Variants in PLCG1 observed in about 807,000 individuals in gnomAD.
PLCG1 encodes 1-phosphatidylinositol 4,5-bisphosphate phosphodiesterase gamma-1.
PLCG1 carries 71 observed loss-of-function variants against 177.8 expected under a neutral mutation model. The observed-to-expected ratio is 0.40, with a 90% CI of 0.33 to 0.49. The LOEUF (loss-of-function observed/expected upper bound fraction) is 0.49, where lower values mean the gene tolerates loss of function less well. Ranked by LOEUF, PLCG1 falls within the 20% of genes least tolerant of loss-of-function variation. The pLI, the probability that PLCG1 is intolerant of heterozygous loss-of-function variation, is 0.72. For missense variants in PLCG1, 1,281 were observed against 1,709.0 expected (o/e 0.75, Z 4.42); for synonymous variants, 658 against 647.9 (o/e 1.02, Z -0.24).
Position 41,174,072 on chromosome 20 carries a change from C to G in PLCG1, c.3646-52C>G. ...TGGGAGGAGAGCCAGGCAGCAGCCT[C>G]TAGAAGTGCAGAGGAGTCATTGACC... On this transcript the variant is annotated intron_variant, in intron 30 of 31. Transcript: ENST00000685551. This position sits in a 1 kb window ranked among gnomAD's most constrained non-coding sequence, Gnocchi z 5.8. The G allele has an allele frequency of 6.2e-7, 1 of 1,609,340 alleles. No individual in the cohort carries two copies. The highest frequency in any genetic ancestry group is 8.5e-7 in the Non-Finnish European group (1 of 1,175,946).
chr20:41,165,082 A>AGAG lies in PLCG1; in HGVS notation c.1370_1372dup (p.Arg457dup). On this transcript the variant is annotated inframe_insertion, in exon 13 of 32. Coordinates refer to ENST00000685551, the MANE Select transcript of PLCG1 (RefSeq NM_002660.3). This position sits in a 1 kb window ranked among gnomAD's most constrained non-coding sequence, Gnocchi z 6.6. ...GGGCTCCCCTCACCCAACCAGCTTA[A>AGAG]GAGGAAGATCCTCATCAAGGTGGGG... is the stretch of plus-strand genomic sequence containing the variant. 6.2e-7 allele frequency: 1 copy of AGAG among 1,613,066 alleles called. No homozygotes were observed. Among genetic ancestry groups the AGAG allele is most frequent in the South Asian group, 1.1e-5 (1 of 90,904 alleles).
intron 4 of PLCG1, among the ~76,000 whole-genome samples, chr20:41,161,540 C>G (rs1210976732): frequency 6.6e-6 from 1 of 152,156 alleles, no homozygotes; most frequent in Non-Finnish European, 1.5e-5. Context: ...CACTGGAAAA[C>G]AAGGACCCTG....
Position 41,173,338 on chromosome 20 carries a change from A to G in PLCG1, c.3280-82A>G, listed in dbSNP as rs2035961820. The stretch of plus-strand genomic sequence containing the variant: ...GCAGAGGGCGCGCTGCCTCCACTCC[A>G]CAGATGCTGACTGAGCCTCCGCAGT... On this transcript the variant is annotated intron_variant, in intron 27 of 31. Transcript: ENST00000685551. This position sits in a 1 kb window ranked among gnomAD's most constrained non-coding sequence, Gnocchi z 6.2. The G allele has an allele frequency of 2.1e-6, 3 of 1,419,792 alleles. No homozygotes were observed. The East Asian group carries it at 7.5e-5, about 35-fold the overall frequency. 87.9% of individuals were successfully genotyped at this position (1,419,792 alleles called of 1,614,324 possible).
At position 41,160,946 on chromosome 20, in the gene PLCG1, A is replaced by C. The variant is rs755715213; in HGVS notation, c.512+793A>C. Among the ~76,000 whole-genome samples the C allele has an allele frequency of 5.3e-5, 8 of 152,098 alleles. No individual in the cohort carries two copies. Among genetic ancestry groups the C allele is most frequent in the Non-Finnish European group, 1.2e-4 (8 of 68,022 alleles). On this transcript the variant is annotated intron_variant, in intron 4 of 31. Coordinates refer to ENST00000685551, the MANE Select transcript of PLCG1 (RefSeq NM_002660.3). The surrounding 1 kb of genome is among the most constrained non-coding windows in gnomAD (Gnocchi z 5.5). ...CTTGGGTTCAGTTCGAGGCATGTTA[A>C]GTTTTCTGATGCCTATTAGCTGTCC...
rs1465880745 is a variant in PLCG1, at chr20:41,137,549, C to G, written c.-93C>G. 3.0e-6 allele frequency: 2 copies of G among 666,946 alleles called. No individual in the cohort carries two copies. Among genetic ancestry groups the G allele is most frequent in the Non-Finnish European group, 4.2e-6 (2 of 480,548 alleles). The allele number at this position is 666,946 out of a possible 1,614,324, so 41.3% of individuals were successfully genotyped here. Reference sequence around the variant, plus strand: ...CCGCCGCCGGGTCCCGCTCGTCTGCCGCCTCAGCCTCAGCCCCAACCTCAG... The same window carrying G: ...CCGCCGCCGGGTCCCGCTCGTCTGCGGCCTCAGCCTCAGCCCCAACCTCAG... On this transcript the variant is annotated 5_prime_UTR_variant, in exon 1 of 32. Coordinates refer to ENST00000685551, the MANE Select transcript of PLCG1 (RefSeq NM_002660.3). The surrounding 1 kb of genome is among the most constrained non-coding windows in gnomAD (Gnocchi z 7.3).
At position 41,176,087 on chromosome 20, in the gene PLCG1, C is replaced by T. The variant is rs1291968921; in HGVS notation, c.*1578C>T. The T allele has an allele frequency of 3.9e-5, 6 of 152,136 alleles. No homozygotes were observed. Among genetic ancestry groups the T allele is most frequent in the Admixed American group, 1.3e-4 (2 of 15,288 alleles). The allele number at this position is 152,136 out of a possible 1,614,324, so 9.4% of individuals were successfully genotyped here. On this transcript the variant is annotated 3_prime_UTR_variant, in exon 32 of 32. Coordinates refer to ENST00000685551, the MANE Select transcript of PLCG1 (RefSeq NM_002660.3). ...CACTGCCAGGTGCCATTCTGATTGC[C>T]TCTAGGACTTGGCAGCTGAAATCTC...
At chr20:41,138,495 T>TC (rs1466725808) in intron 1 of PLCG1, among the ~76,000 whole-genome samples, 1 of 149,854 alleles carries the variant, frequency 6.7e-6, no homozygotes, top group East Asian at 2.0e-4. Flanking sequence ...TTTTTTTTTT[T>TC]CTGCTACTTT....
At position 41,167,761 on chromosome 20, in the gene PLCG1, G is replaced by T. The variant is rs1166031393; in HGVS notation, c.2302-91G>T. ...GGATCAGGTGCAAGTTTGCTGCACT[G>T]GGGGAAAGGGAAGCTGCTCCAGAAA... On this transcript the variant is annotated intron_variant, in intron 19 of 31. Transcript: ENST00000685551. This position sits in a 1 kb window ranked among gnomAD's most constrained non-coding sequence, Gnocchi z 4.4. 2.2e-6 allele frequency: 2 copies of T among 907,344 alleles called. No individual in the cohort carries two copies. The highest frequency in any genetic ancestry group is 2.5e-5 in the East Asian group (1 of 40,236). The allele number at this position is 907,344 out of a possible 1,614,324, so 56.2% of individuals were successfully genotyped here. A position where few individuals can be genotyped will look rare whatever the true frequency, so the allele number is the denominator to read the frequency against.
chr20:41,170,098 T>G lies in PLCG1; in HGVS notation c.2651-14T>G. ...ATGTCTATTCCCAGCTGTTATCTGC[T>G]CTCGCCCTCCCAGCCATCCGTCCTG... On this transcript the variant is annotated splice_polypyrimidine_tract_variant and intron_variant, in intron 23 of 31. Coordinates refer to ENST00000685551, the MANE Select transcript of PLCG1 (RefSeq NM_002660.3). 1 of 1,601,336 alleles carries G rather than the reference T, an allele frequency of 6.2e-7. No individual in the cohort carries two copies. Among genetic ancestry groups the G allele is most frequent in the Non-Finnish European group, 8.5e-7 (1 of 1,172,468 alleles).
rs1411305174 is a variant in PLCG1 at position 41,173,376 on chromosome 20, G to A, written c.3280-44G>A. ...GAGCCTCCGCAGTGGGGAATTGGAGGGAGCAGGAAGGACAATCCCAGGCCC... is the reference window on the plus strand; with the variant it reads ...GAGCCTCCGCAGTGGGGAATTGGAGAGAGCAGGAAGGACAATCCCAGGCCC... On this transcript the variant is annotated intron_variant, in intron 27 of 31. Transcript: ENST00000685551. The surrounding 1 kb of genome is among the most constrained non-coding windows in gnomAD (Gnocchi z 6.2). 3 of 1,502,972 alleles carry A rather than the reference G, an allele frequency of 2.0e-6. No homozygotes were observed. Among genetic ancestry groups the A allele is most frequent in the African/African-American group, 1.4e-5 (1 of 72,172 alleles). 93.1% of individuals were successfully genotyped at this position (1,502,972 alleles called of 1,614,324 possible).
At position 41,150,714 on chromosome 20, in the gene PLCG1, G is replaced by A. The variant is rs369771616; in HGVS notation, c.218-8892G>A. ...CTGAATGCCCTGTTTGTGGAACTTA[G>A]TGGACTCCTGCACCTCTGTCTTGGT... On this transcript the variant is annotated intron_variant, in intron 1 of 31. Transcript: ENST00000685551. This position sits in a 1 kb window ranked among gnomAD's most constrained non-coding sequence, Gnocchi z 4.0. Among the ~76,000 whole-genome samples, 1 of 152,150 alleles carries A rather than the reference G, an allele frequency of 6.6e-6. No individual in the cohort carries two copies. Among genetic ancestry groups the A allele is most frequent in the Non-Finnish European group, 1.5e-5 (1 of 68,022 alleles).
Position 41,144,466 on chromosome 20 carries a change from C to T in PLCG1, c.217+6608C>T, listed in dbSNP as rs2034934225. On this transcript the variant is annotated intron_variant, in intron 1 of 31. Coordinates refer to ENST00000685551, the MANE Select transcript of PLCG1 (RefSeq NM_002660.3). The surrounding 1 kb of genome is among the most constrained non-coding windows in gnomAD (Gnocchi z 4.1). ...CGTCCTGCACTCATCCTTGCCACAA[C>T]ACCGGTGTCGAGATGCTTGGCCCAC... 6.6e-6 allele frequency among the ~76,000 whole-genome samples: 1 copy of T among 152,212 alleles called. No individual in the cohort carries two copies. The highest frequency in any genetic ancestry group is 1.5e-5 in the Non-Finnish European group (1 of 68,046).
intron 1 of PLCG1, among the ~76,000 whole-genome samples, chr20:41,142,856 C>T (rs767795321): frequency 2.0e-5 from 3 of 152,096 alleles, no homozygotes; most frequent in Non-Finnish European, 4.4e-5. Context: ...GTGCTTACTA[C>T]GTAGGATCCC....
chr20:41,155,469 C>G (rs1282373246), intron 1 of PLCG1, among the ~76,000 whole-genome samples: 1 of 152,200 alleles, frequency 6.6e-6, no homozygotes, highest in Non-Finnish European at 1.5e-5. Context: ...GCACGTGCCT[C>G]AGACTATTGG....
chr20:41,163,930 C>G lies in PLCG1; in HGVS notation c.1020C>G (p.Thr340=), dbSNP rs143452596. ...WISSSHNTYL[T]GDQFSSESSL... is the part of the protein sequence containing the mutation. ...CTCCTTGCCTATCCAGGTACCTGAC[C>G]GGGGACCAGTTCTCCAGTGAGTCCT... Residue 340 remains threonine, a synonymous_variant, in exon 11 of 32, where the codon ACC becomes ACG. Coordinates refer to ENST00000685551, the MANE Select transcript of PLCG1 (RefSeq NM_002660.3). This position sits in a 1 kb window ranked among gnomAD's most constrained non-coding sequence, Gnocchi z 5.2. 4 of 1,614,074 alleles carry G rather than the reference C, an allele frequency of 2.5e-6. 1 individual carries two copies. Among genetic ancestry groups the G allele is most frequent in the East Asian group, 4.5e-5 (2 of 44,868 alleles).
Position 41,167,679 on chromosome 20 carries a change from GTGAGGCCGGGCC to G in PLCG1, c.2302-165_2302-154del, listed in dbSNP as rs1384895959. 5.0e-6 allele frequency: 3 copies of G among 601,998 alleles called. No homozygotes were observed. The highest frequency in any genetic ancestry group is 1.9e-5 in the African/African-American group (1 of 53,828). The allele number at this position is 601,998 out of a possible 1,614,324, so 37.3% of individuals were successfully genotyped here. On this transcript the variant is annotated intron_variant, in intron 19 of 31. Coordinates refer to ENST00000685551, the MANE Select transcript of PLCG1 (RefSeq NM_002660.3). This position sits in a 1 kb window ranked among gnomAD's most constrained non-coding sequence, Gnocchi z 4.4. The stretch of plus-strand genomic sequence containing the variant: ...GAATGTGAAGAAAGGAAAGGGAACA[GTGAGGCCGGGCC>G]TGAGGCCTCTGAAGCCGTCTCTACT...
At position 41,174,211 on chromosome 20, in the gene PLCG1, G is replaced by A. The variant is rs144676152; in HGVS notation, c.3733G>A (p.Ala1245Thr). 3.6e-4 allele frequency: 579 copies of A among 1,614,186 alleles called. 4 individuals are homozygous for A. Among genetic ancestry groups the A allele is most frequent in the South Asian group, 3.2e-3 (291 of 91,084 alleles). ...DASGQLFHGR[A>T]REGSFESRYQ... ...CTCAGGCCAGCTGTTTCATGGCCGAGCCCGGGAAGGCTCCTTTGAATCCCG... is the reference window on the plus strand; with the variant it reads ...CTCAGGCCAGCTGTTTCATGGCCGAACCCGGGAAGGCTCCTTTGAATCCCG... The change falls in exon 31 of 32, where the codon GCC (alanine) becomes ACC (threonine). Residue 1245 changes from alanine (A) to threonine (T), a missense_variant. Physicochemically the swap from Ala to Thr is moderately conservative, Grantham distance 58. Around this residue, in one of 4 missense-constraint regions of PLCG1, gnomAD observed 153 missense variants for 153.2 expected, o/e 1.00. Coordinates refer to ENST00000685551, the MANE Select transcript of PLCG1 (RefSeq NM_002660.3). This position sits in a 1 kb window ranked among gnomAD's most constrained non-coding sequence, Gnocchi z 5.8.
intron 1 of PLCG1, chr20:41,138,062 C>T (rs950268119): frequency 1.0e-5 from 4 of 385,740 alleles, no homozygotes; most frequent in African/African-American, 8.3e-5. Context: ...CCTGACAGGA[C>T]ACCCCCCCTC....
In PLCG1 at chr20:41,151,771, C is replaced by T. The variant is rs1272213147; in HGVS notation, c.218-7835C>T. Among the ~76,000 whole-genome samples the T allele has an allele frequency of 6.6e-6, 1 of 152,238 alleles. No homozygotes were observed. The highest frequency in any genetic ancestry group is 2.4e-5 in the African/African-American group (1 of 41,470). ...GTGACCTGGCTACTATTGCATCAGGCTTCCTTCCCACCTGTGTCCAGGTCC... is the reference window on the plus strand; with the variant it reads ...GTGACCTGGCTACTATTGCATCAGGTTTCCTTCCCACCTGTGTCCAGGTCC... On this transcript the variant is annotated intron_variant, in intron 1 of 31. Transcript: ENST00000685551. The surrounding 1 kb of genome is among the most constrained non-coding windows in gnomAD (Gnocchi z 5.5).
Sources: allele counts gnomAD v4.1 joint callset (sites outside exome capture counted in the v4.1 genomes callset), GRCh38; gene constraint gnomAD v4.1.1; regional missense constraint gnomAD v4.1.1; non-coding constraint Gnocchi (gnomAD v3.1); transcripts MANE v1.5; gene names NCBI Gene and HGNC (gene_info 2026-07-23, HGNC 2026-07-21).